The following MGAM variants were observed in gnomAD, a reference collection of about 807,000 sequenced individuals.
MGAM encodes the protein alpha-1,4-glucosidase.
In MGAM, 253 loss-of-function variants were observed where a neutral mutation model predicts 358.8. That is an observed-to-expected ratio of 0.71 (90% CI 0.64 to 0.78). The LOEUF (loss-of-function observed/expected upper bound fraction) is 0.78. Among genes scored for constraint, MGAM ranks in the 30% least tolerant of loss-of-function variants. The pLI is 0.00. For missense variants in MGAM, 3,080 were observed against 3,432.6 expected (o/e 0.90, Z 2.57); for synonymous variants, 1,105 against 1,227.1 (o/e 0.90, Z 2.08).
intron 45 of MGAM, 54 bp downstream of exon 45, chr7:142,074,227 G>A: frequency 8.3e-7 from 1 of 1,197,884 alleles, no homozygotes; most frequent in South Asian, 1.3e-5. Context: ...TGTGACTTAT[G>A]GTCCTTCACT....
chr7:142,076,629 T>C, intron 46 of MGAM, 30 bp from the exon 47 acceptor site: 1 of 1,479,370 alleles, frequency 6.8e-7, no homozygotes, highest in East Asian at 2.3e-5. Context: ...GGCATACCTT[T>C]ATGCATAATT....
Position 142,093,403 on chromosome 7 carries a change from C to T in MGAM, c.7034-9C>T. On this transcript the variant is annotated splice_polypyrimidine_tract_variant and intron_variant, in intron 59 of 70. Transcript: ENST00000475668. The stretch of plus-strand genomic sequence containing the variant: ...GCTGGATTTCACCTCACCAGTTCTT[C>T]CTCCTCAGATTTGGAGTCCAGGGAC... 1 of 1,532,428 alleles carries T rather than the reference C, an allele frequency of 6.5e-7. No individual in the cohort carries two copies. Among genetic ancestry groups the T allele is most frequent in the South Asian group, 1.2e-5 (1 of 85,454 alleles). 94.9% of individuals were successfully genotyped at this position (1,532,428 alleles called of 1,614,324 possible). A position where few individuals can be genotyped will look rare whatever the true frequency, so the allele number is the denominator to read the frequency against.
At chr7:142,065,266 G>A (rs1812608219) in intron 37 of MGAM, 69 bp from the exon 38 acceptor site, 1 of 1,562,678 alleles carries the variant, frequency 6.4e-7, no homozygotes, top group Non-Finnish European at 8.7e-7. Flanking sequence ...AGGGCTCTGG[G>A]AGCAGAAGCT....
chr7:142,067,937 T>TATATATATATATATTTATATATATATAA (rs1812909970), intron 42 of MGAM, among the ~76,000 whole-genome samples: 1 of 34,012 alleles, frequency 2.9e-5, no homozygotes, highest in Non-Finnish European at 6.1e-5. Flanking sequence ...CTCCCTCAAA[T>TATATATATATATATTTATATATATATAA]ATATATATAT....
At chr7:142,052,009 C>T (rs1276470485) in intron 24 of MGAM, among the ~76,000 whole-genome samples, 1 of 152,054 alleles carries the variant, frequency 6.6e-6, no homozygotes, top group Non-Finnish European at 1.5e-5. Context: ...TAAGAGGAGT[C>T]AGGGTAGAAA....
At chr7:142,040,906 T>C in intron 21 of MGAM, 60 bp downstream of exon 21, 1 of 1,531,904 alleles carries the variant, frequency 6.5e-7, no homozygotes, top group Non-Finnish European at 8.7e-7. Flanking sequence ...CCTTTGAATT[T>C]CTTTTCGAAA....
At chr7:142,055,457 C>T (rs1396908061) in intron 27 of MGAM, 101 bp from the exon 28 acceptor site, 9 of 1,431,908 alleles carry the variant, frequency 6.3e-6, no homozygotes, top group Non-Finnish European at 8.8e-6. Context: ...TGAACAGCTT[C>T]TTGGTAGGAA....
In MGAM at chr7:142,025,065, T is replaced by C. The variant is rs1554460367; in HGVS notation, c.898T>C (p.Tyr300His). Reference sequence around the variant, plus strand: ...CTTTCTGCAGAACGGAACTAATTTGTATGGTGCGCAGACATTCTTCTTGTG... The same window carrying C: ...CTTTCTGCAGAACGGAACTAATTTGCATGGTGCGCAGACATTCTTCTTGTG... ...TTPNGNGTNL[Y>H]GAQTFFLCLE... The change falls in exon 8 of 71, where the codon TAT becomes CAT. Residue 300 changes from tyrosine to histidine, a missense_variant. Transcript: ENST00000475668. The C allele has an allele frequency of 6.2e-7, 1 of 1,613,566 alleles. No homozygotes were observed. The highest frequency in any genetic ancestry group is 8.5e-7 in the Non-Finnish European group (1 of 1,179,546).
intron 2 of MGAM, among the ~76,000 whole-genome samples, chr7:141,988,832 G>A (rs1298629842): frequency 6.6e-6 from 1 of 152,168 alleles, no homozygotes. Context: ...AGGAAATGCT[G>A]TAATGTCCTG....
intron 2 of MGAM, among the ~76,000 whole-genome samples, chr7:141,986,880 A>G (rs1364667067): frequency 2.0e-5 from 3 of 152,232 alleles, no homozygotes; most frequent in Non-Finnish European, 4.4e-5. Context: ...ATAGAACTCA[A>G]TGGGGATGCC....
chr7:142,030,186 G>C, intron 10 of MGAM, 176 bp from the exon 11 acceptor site: 1 of 680,270 alleles, frequency 1.5e-6, no homozygotes, highest in Admixed American at 3.1e-5. Context: ...CCAACCAGTC[G>C]TGTGTTTTTG....
At chr7:142,085,755 G>A in intron 54 of MGAM, 78 bp from the exon 55 acceptor site, 2 of 1,444,418 alleles carry the variant, frequency 1.4e-6, no homozygotes, top group Admixed American at 2.0e-5. Flanking sequence ...ATTCCACCAT[G>A]GGTGGTGGAG....
intron 1 of MGAM, among the ~76,000 whole-genome samples, chr7:142,002,230 G>A (rs1804787560): frequency 6.6e-6 from 1 of 151,968 alleles, no homozygotes; most frequent in Non-Finnish European, 1.5e-5. Flanking sequence ...TAATATAGAA[G>A]CCAACATCAC....
At chr7:142,063,010 C>T (rs573844269) in intron 35 of MGAM, among the ~76,000 whole-genome samples, 2 of 152,094 alleles carry the variant, frequency 1.3e-5, no homozygotes, top group South Asian at 4.1e-4. Context: ...ACCAGCCTGA[C>T]CAACATGGAG....
intron 67 of MGAM, among the ~76,000 whole-genome samples, chr7:142,100,587 C>T (rs1476229818): frequency 5.9e-5 from 9 of 152,292 alleles, no homozygotes; most frequent in Admixed American, 1.3e-4. Context: ...AAGCAGAATC[C>T]TCTTGATTCA....
chr7:142,010,198 G>T (rs116860659), intron 3 of MGAM, among the ~76,000 whole-genome samples: 1 of 152,154 alleles, frequency 6.6e-6, no homozygotes, highest in East Asian at 1.9e-4. Context: ...TCTTTGGAGA[G>T]AATGGACTCT....
chr7:142,066,797 A>G (rs1812803155), intron 41 of MGAM, 76 bp downstream of exon 41: 1 of 1,445,324 alleles, frequency 6.9e-7, no homozygotes, highest in African/African-American at 1.4e-5. Context: ...GATATACACA[A>G]CGCTTCCAAA....
At chr7:142,094,985 G>A in intron 63 of MGAM, 122 bp downstream of exon 63, 1 of 1,009,564 alleles carries the variant, frequency 9.9e-7, no homozygotes, top group Non-Finnish European at 1.4e-6. Context: ...TTTCTTTTGA[G>A]ACAAAGACTC....
chr7:142,040,975 C>A, intron 21 of MGAM, 129 bp downstream of exon 21: 1 of 1,100,526 alleles, frequency 9.1e-7, no homozygotes, highest in Non-Finnish European at 1.3e-6. Flanking sequence ...GCAGTTTTAG[C>A]ACCAAAAGTC....
Sources: allele counts gnomAD v4.1 joint callset (sites outside exome capture counted in the v4.1 genomes callset), GRCh38; gene constraint gnomAD v4.1.1; transcripts MANE v1.5; gene names NCBI Gene and HGNC (gene_info 2026-07-23, HGNC 2026-07-21).